Variants in SRPRA observed in about 807,000 individuals in gnomAD.
The protein encoded by SRPRA is signal recognition particle receptor subunit alpha.
In SRPRA, 30 loss-of-function variants were observed where a neutral mutation model predicts 61.1. The observed-to-expected ratio is 0.49, with a 90% CI of 0.37 to 0.67. The LOEUF is 0.67. SRPRA is among the 30% of genes least tolerant of loss of function. The pLI, the probability that SRPRA is intolerant of heterozygous loss-of-function variation, is 0.00. For synonymous variants in SRPRA, 324 were observed against 299.7 expected, an observed-to-expected ratio of 1.08 and a Z score of -0.84; for missense variants, 759 against 828.4, an observed-to-expected ratio of 0.92 and a Z score of 1.03.
chr11:126,260,079 T>A (rs1396450752), downstream of SRPRA, among the ~76,000 whole-genome samples: 2 of 152,022 alleles, frequency 1.3e-5, no homozygotes, highest in African/African-American at 2.4e-5. Flanking sequence ...TCACCCAGGC[T>A]GCAGTACAAT....
downstream of SRPRA, among the ~76,000 whole-genome samples, chr11:126,260,063 G>A (rs1280031637): frequency 6.6e-6 from 1 of 151,674 alleles, no homozygotes; most frequent in Non-Finnish European, 1.5e-5. Flanking sequence ...ACAGGGTCTT[G>A]CTTTTTCACC....
At chr11:126,240,768 C>T in the SRPRA span, 2 of 1,582,740 alleles carry the variant, frequency 1.3e-6, no homozygotes, top group South Asian at 1.2e-5. Context: ...TATTCCAATC[C>T]TCTCATTTGT....
the SRPRA span, among the ~76,000 whole-genome samples, chr11:126,236,917 C>CTTTT: frequency 4.4e-5 from 3 of 68,412 alleles, no homozygotes; most frequent in African/African-American, 7.6e-5. Flanking sequence ...TTCACAGATG[C>CTTTT]TTTTTTTTTT....
the SRPRA span, among the ~76,000 whole-genome samples, chr11:126,254,100 T>C: frequency 7.9e-5 from 12 of 152,190 alleles, no homozygotes; most frequent in South Asian, 2.1e-4. Flanking sequence ...CAAAGAGAAA[T>C]CACCAAATTT....
chr11:126,254,508 AG>A, the SRPRA span: 1 of 1,567,490 alleles, frequency 6.4e-7, no homozygotes, highest in Non-Finnish European at 8.7e-7. Flanking sequence ...TAGATCTTAA[AG>A]GGGAACATCT....
chr11:126,267,369 C>T lies in SRPRA; in HGVS notation c.366-34G>A, dbSNP rs779274813. The stretch of plus-strand genomic sequence containing the variant: ...AAAGGAGAATGGTTTATCTTTCTAC[C>T]CCATGCAGAAGGAAAAATAACGGTC... On this transcript the variant is annotated intron_variant, in intron 3 of 13. Transcript: ENST00000332118. This position sits in a 1 kb window ranked among gnomAD's most constrained non-coding sequence, Gnocchi z 4.2. 38 of 1,608,026 alleles carry T rather than the reference C, an allele frequency of 2.4e-5. No individual in the cohort carries two copies. In the Admixed American group the frequency reaches 6.1e-4, roughly 26 times the overall value.
Position 126,263,887 on chromosome 11 carries a change from C to G in SRPRA, c.*29G>C. ...CAGGAAGAAGGGCTTGTGGGGAAAG[C>G]GGCGATTTGGTATTGGGCAAGAGCC... On this transcript the variant is annotated 3_prime_UTR_variant, in exon 14 of 14. Transcript: ENST00000332118. The G allele has an allele frequency of 6.2e-7, 1 of 1,610,706 alleles. No homozygotes were observed. Among genetic ancestry groups the G allele is most frequent in the Non-Finnish European group, 8.5e-7 (1 of 1,178,786 alleles).
the SRPRA span, among the ~76,000 whole-genome samples, chr11:126,239,166 G>A: frequency 6.6e-6 from 1 of 151,604 alleles, no homozygotes; most frequent in African/African-American, 2.4e-5. Flanking sequence ...GCAGAGATGG[G>A]GTCTCACTAA....
At position 126,266,290 on chromosome 11, in the gene SRPRA, G is replaced by A. The variant is rs370384804; in HGVS notation, c.841-12C>T. The stretch of plus-strand genomic sequence containing the variant: ...CCAGTCCCTCGAATCTGGAAGATAC[G>A]GGGAAAGGATGTGGGGTCAGGAACA... On this transcript the variant is annotated splice_polypyrimidine_tract_variant and intron_variant, in intron 6 of 13. Coordinates refer to ENST00000332118, the MANE Select transcript of SRPRA (RefSeq NM_003139.4). 1.1e-4 allele frequency: 180 copies of A among 1,613,506 alleles called. No homozygotes were observed. The highest frequency in any genetic ancestry group is 2.2e-4 in the Admixed American group (13 of 59,998).
chr11:126,268,319 T>C (rs946484345), intron 1 of SRPRA, among the ~76,000 whole-genome samples: 2 of 152,066 alleles, frequency 1.3e-5, no homozygotes, highest in African/African-American at 4.8e-5. Flanking sequence ...AAAAGGGAAG[T>C]AGTCATGTAA....
At chr11:126,262,099 CTCTTT>C, downstream of SRPRA, 2 of 1,613,814 alleles carry the variant, frequency 1.2e-6, no homozygotes, top group Non-Finnish European at 1.7e-6. Context: ...TCATTTTGTT[CTCTTT>C]TCTTTCTCCC....
Position 126,268,857 on chromosome 11 carries a change from G to GAA in SRPRA, c.-54_-53insTT. ...GGCGCCGGGAATTCAGGCCGCGTTCGCCGCCGCTTCCTGCTGCGCCAAGCG... is the reference window on the plus strand; with the variant it reads ...GGCGCCGGGAATTCAGGCCGCGTTCGAACCGCCGCTTCCTGCTGCGCCAAGCG... On this transcript the variant is annotated 5_prime_UTR_variant, in exon 1 of 14. Transcript: ENST00000332118. The GAA allele has an allele frequency of 6.9e-7, 1 of 1,452,416 alleles. No homozygotes were observed. The allele number at this position is 1,452,416 out of a possible 1,614,324, so 90.0% of individuals were successfully genotyped here. A position where few individuals can be genotyped will look rare whatever the true frequency, so the allele number is the denominator to read the frequency against.
chr11:126,264,945 C>G lies in SRPRA; in HGVS notation c.1525+14G>C. ...GGACCCCAAATAAGCCCCCACACTT[C>G]CCATGCACTGTACCAAAAGCAATGG... On this transcript the variant is annotated intron_variant, in intron 11 of 13. Transcript: ENST00000332118. This position sits in a 1 kb window ranked among gnomAD's most constrained non-coding sequence, Gnocchi z 5.0. 6.2e-7 allele frequency: 1 copy of G among 1,612,144 alleles called. No individual in the cohort carries two copies. The highest frequency in any genetic ancestry group is 8.5e-7 in the Non-Finnish European group (1 of 1,179,554).
downstream of SRPRA, chr11:126,261,155 G>GTA (rs1950688240): frequency 1.5e-4 from 54 of 364,994 alleles, 1 homozygote; most frequent in Non-Finnish European, 2.1e-4. Context: ...GCCTGTATGT[G>GTA]AAATGTAAAA....
the SRPRA span, among the ~76,000 whole-genome samples, chr11:126,239,139 C>T: frequency 3.3e-5 from 5 of 151,734 alleles, no homozygotes; most frequent in East Asian, 1.9e-4. Context: ...TTTTCTTTTT[C>T]GTTCTTTCTT....
the SRPRA span, among the ~76,000 whole-genome samples, chr11:126,239,592 C>T: frequency 2.0e-5 from 3 of 152,262 alleles, no homozygotes; most frequent in African/African-American, 7.2e-5. Context: ...ACATGACTCC[C>T]GTAGTGTCTG....
At chr11:126,238,136 C>T in the SRPRA span, among the ~76,000 whole-genome samples, 11 of 151,906 alleles carry the variant, frequency 7.2e-5, no homozygotes, top group Non-Finnish European at 2.9e-5. Context: ...CCAAGGCAGG[C>T]GGATCACTTG....
chr11:126,244,211 C>G, the SRPRA span, among the ~76,000 whole-genome samples: 1 of 152,182 alleles, frequency 6.6e-6, no homozygotes, highest in Admixed American at 6.5e-5. This position sits in a 1 kb window ranked among gnomAD's most constrained non-coding sequence, Gnocchi z 4.5. Flanking sequence ...CACTCCACTC[C>G]TGTCCAACAT....
rs2230546 is a variant in SRPRA at position 126,264,032 on chromosome 11, T to C, written c.1801A>G (p.Ile601Val). ...TTGCTTGTGATGTACGTCATAGAAA[T>C]AGCAGCTCCCACCTAAGTGGAGAAA... ...DTIDDKVGAA[I>V]SMTYITSKPI... Residue 601 changes from isoleucine (I) to valine (V), a missense_variant, in exon 14 of 14, where the codon ATT (isoleucine) becomes GTT (valine). Coordinates refer to ENST00000332118, the MANE Select transcript of SRPRA (RefSeq NM_003139.4). This position sits in a 1 kb window ranked among gnomAD's most constrained non-coding sequence, Gnocchi z 5.0. The C allele has an allele frequency of 1.4e-5, 22 of 1,614,058 alleles. No individual in the cohort carries two copies. In the East Asian group the frequency reaches 3.1e-4, roughly 23 times the overall value.
Sources: gnomAD v4.1 joint callset for allele counts (sites outside exome capture counted in the v4.1 genomes callset) on GRCh38, gnomAD v4.1.1 for gene constraint, Gnocchi (gnomAD v3.1) non-coding constraint, MANE v1.5 for transcripts, NCBI Gene and HGNC (gene_info 2026-07-23, HGNC 2026-07-21) for gene names.